The following BLNK variants were observed in gnomAD, a reference collection of about 807,000 sequenced individuals.
BLNK encodes B-cell linker protein.
BLNK carries 29 observed loss-of-function variants against 73.5 expected under a neutral mutation model. The observed-to-expected ratio is 0.39, with a 90% CI of 0.29 to 0.54. The LOEUF (loss-of-function observed/expected upper bound fraction) is 0.54. Among genes scored for constraint, BLNK ranks in the 20% least tolerant of loss-of-function variants. The pLI, the probability that BLNK is intolerant of heterozygous loss-of-function variation, is 0.61. For missense variants in BLNK, 460 were observed against 562.8 expected (o/e 0.82, Z 1.85); for synonymous variants, 176 against 200.8 (o/e 0.88, Z 1.04).
At chr10:96,253,791 C>T (rs574128310) in intron 1 of BLNK, among the ~76,000 whole-genome samples, 2 of 151,772 alleles carry the variant, frequency 1.3e-5, no homozygotes, top group African/African-American at 2.4e-5. Flanking sequence ...CAAGGCGGGC[C>T]GATCATGAGG....
At chr10:96,209,808 C>A in intron 9 of BLNK, 30 bp downstream of exon 9, 1 of 1,614,020 alleles carries the variant, frequency 6.2e-7, no homozygotes, top group South Asian at 1.1e-5. Flanking sequence ...CCCCAGATCT[C>A]AAAAGCTGCT....
intron 4 of BLNK, among the ~76,000 whole-genome samples, chr10:96,229,469 T>C (rs1554903528): frequency 3.3e-5 from 5 of 152,196 alleles, no homozygotes; most frequent in Non-Finnish European, 1.5e-5. Flanking sequence ...ACTCAGTCTT[T>C]AGTACAGCTG....
chr10:96,268,906 T>C (rs1186468662), intron 1 of BLNK, among the ~76,000 whole-genome samples: 2 of 152,204 alleles, frequency 1.3e-5, no homozygotes, highest in African/African-American at 4.8e-5. Context: ...TCCACTTTTA[T>C]GGTCATCTGG....
intron 13 of BLNK, among the ~76,000 whole-genome samples, chr10:96,202,986 G>C (rs1554896606): frequency 6.6e-6 from 1 of 152,088 alleles, no homozygotes. Flanking sequence ...ACCCACCCCT[G>C]CTGCTGCGCT....
chr10:96,204,937 A>C, intron 11 of BLNK: 1 of 355,482 alleles, frequency 2.8e-6, no homozygotes, highest in Non-Finnish European at 5.5e-6. Flanking sequence ...GAAGATGAGA[A>C]CATTTTAGCC....
intron 1 of BLNK, among the ~76,000 whole-genome samples, chr10:96,261,880 T>G (rs1278148719): frequency 3.3e-5 from 5 of 152,204 alleles, no homozygotes; most frequent in African/African-American, 1.2e-4. Flanking sequence ...ATAATGAAGT[T>G]TTTATACTTT....
chr10:96,218,489 C>T (rs1289630294), intron 6 of BLNK, among the ~76,000 whole-genome samples: 1 of 152,020 alleles, frequency 6.6e-6, no homozygotes, highest in African/African-American at 2.4e-5. Context: ...TCCAGGAGTT[C>T]AAAACCAGCC....
chr10:96,236,081 G>A (rs1554905043), intron 3 of BLNK, among the ~76,000 whole-genome samples: 2 of 152,168 alleles, frequency 1.3e-5, no homozygotes, highest in Non-Finnish European at 2.9e-5. Context: ...CTCTGTGGTG[G>A]TGGCTGGGGC....
At position 96,204,522 on chromosome 10, in the gene BLNK, G is replaced by A; in HGVS notation, c.902+10C>T. 1 of 1,613,484 alleles carries A rather than the reference G, an allele frequency of 6.2e-7. No individual in the cohort carries two copies. Among genetic ancestry groups the A allele is most frequent in the Non-Finnish European group, 8.5e-7 (1 of 1,179,470 alleles). On this transcript the variant is annotated intron_variant, in intron 12 of 16. Transcript: ENST00000224337. ...AGAGGAAACTGATCTTTAAAGGAAA[G>A]GATTCTTACTTCTGGGCAGGAGGAA...
At chr10:96,218,183 T>C (rs1347407951) in intron 6 of BLNK, among the ~76,000 whole-genome samples, 1 of 152,244 alleles carries the variant, frequency 6.6e-6, no homozygotes, top group Non-Finnish European at 1.5e-5. Context: ...AACTGGTTTT[T>C]ACCACCTGCC....
At chr10:96,255,433 G>C (rs1248774773) in intron 1 of BLNK, among the ~76,000 whole-genome samples, 1 of 151,792 alleles carries the variant, frequency 6.6e-6, no homozygotes, top group Non-Finnish European at 1.5e-5. Flanking sequence ...AAAACATCTT[G>C]TTTTCCTTGT....
Position 96,200,655 on chromosome 10 carries a change from T to C in BLNK, c.1011+327A>G, listed in dbSNP as rs1450006865. Among the ~76,000 whole-genome samples, 1 of 152,232 alleles carries C rather than the reference T, an allele frequency of 6.6e-6. No individual in the cohort carries two copies. Among genetic ancestry groups the C allele is most frequent in the African/African-American group, 2.4e-5 (1 of 41,470 alleles). ...CTCTGTCCCTTTATAAACTGTGCTG[T>C]CTTATATGTGATTTAATATCATCAG... On this transcript the variant is annotated intron_variant, in intron 14 of 16. Coordinates refer to ENST00000224337, the MANE Select transcript of BLNK (RefSeq NM_013314.4). This position sits in a 1 kb window ranked among gnomAD's most constrained non-coding sequence, Gnocchi z 4.3.
At chr10:96,210,864 T>G (rs1259474909) in intron 8 of BLNK, among the ~76,000 whole-genome samples, 1 of 119,142 alleles carries the variant, frequency 8.4e-6, no homozygotes, top group African/African-American at 4.1e-5. Flanking sequence ...CACAATTCCG[T>G]TTTTTTTTTT....
intron 1 of BLNK, among the ~76,000 whole-genome samples, chr10:96,249,025 T>C (rs1343574873): frequency 6.6e-6 from 1 of 152,228 alleles, no homozygotes; most frequent in African/African-American, 2.4e-5. Context: ...AAATGTATAA[T>C]AAAATTTCAC....
At chr10:96,206,968 A>T in intron 11 of BLNK, 43 bp downstream of exon 11, 22 of 1,583,520 alleles carry the variant, frequency 1.4e-5, no homozygotes, top group Non-Finnish European at 1.9e-5. Flanking sequence ...TAATAAAATA[A>T]CTTTTAGAGG....
At chr10:96,240,423 TA>T (rs1468155661) in intron 3 of BLNK, among the ~76,000 whole-genome samples, 7 of 142,172 alleles carry the variant, frequency 4.9e-5, no homozygotes, top group Admixed American at 6.9e-5. Context: ...TTTTTCTTAA[TA>T]TTTTTTTCTT....
chr10:96,251,866 G>A (rs1209795327), intron 1 of BLNK, among the ~76,000 whole-genome samples: 2 of 152,080 alleles, frequency 1.3e-5, no homozygotes, highest in Non-Finnish European at 2.9e-5. Context: ...ATTCCAGGAA[G>A]CACTGAGAGT....
intron 6 of BLNK, among the ~76,000 whole-genome samples, chr10:96,222,117 T>TA (rs1456189701): frequency 6.6e-6 from 1 of 152,248 alleles, no homozygotes; most frequent in Non-Finnish European, 1.5e-5. Context: ...GCACTGTATT[T>TA]AGTGCTGTAC....
At position 96,216,824 on chromosome 10, in the gene BLNK, G is replaced by A. The variant is rs960479558; in HGVS notation, c.526-90C>T. ...AGTGATTTTTTTAAAAAGCATTATT[G>A]AGACGCAATTCACATATCATAAAAT... is the stretch of plus-strand genomic sequence containing the variant. On this transcript the variant is annotated intron_variant, in intron 6 of 16. Transcript: ENST00000224337. 7.0e-5 allele frequency: 75 copies of A among 1,075,120 alleles called. 1 individual carries two copies. In the South Asian group the frequency reaches 9.7e-4, roughly 14 times the overall value. The allele number at this position is 1,075,120 out of a possible 1,614,324, so 66.6% of individuals were successfully genotyped here. A position where few individuals can be genotyped will look rare whatever the true frequency, so the allele number is the denominator to read the frequency against.
Sources: gnomAD v4.1 joint callset for allele counts (sites outside exome capture counted in the v4.1 genomes callset) on GRCh38, gnomAD v4.1.1 for gene constraint, Gnocchi (gnomAD v3.1) non-coding constraint, MANE v1.5 for transcripts, NCBI Gene and HGNC (gene_info 2026-07-23, HGNC 2026-07-21) for gene names.